The following CEP57L1 variants were observed in gnomAD, a reference collection of about 807,000 sequenced individuals.
CEP57L1 encodes centrosomal protein CEP57L1.
CEP57L1 carries 37 observed loss-of-function variants against 61.0 expected under a neutral mutation model. That is an observed-to-expected ratio of 0.61 (90% confidence interval 0.47 to 0.80). The LOEUF is 0.80. Among genes scored for constraint, CEP57L1 ranks in the 30% least tolerant of loss-of-function variants. The pLI is 0.00. For synonymous variants in CEP57L1, 137 were observed against 162.3 expected (o/e 0.84, Z 1.19); for missense variants, 422 against 524.7 (o/e 0.80, Z 1.91).
chr6:109,112,089 G>C (rs1771706609), intron 1 of CEP57L1, among the ~76,000 whole-genome samples: 1 of 152,200 alleles, frequency 6.6e-6, no homozygotes, highest in South Asian at 2.1e-4. Context: ...AATAATTTCA[G>C]AAGGAATGGT....
chr6:109,155,317 G>A lies in CEP57L1; in HGVS notation c.657+10G>A, dbSNP rs772136260. 3.5e-6 allele frequency: 5 copies of A among 1,445,162 alleles called. No homozygotes were observed. Among genetic ancestry groups the A allele is most frequent in the Non-Finnish European group, 4.8e-6 (5 of 1,050,698 alleles). 89.5% of individuals were successfully genotyped at this position (1,445,162 alleles called of 1,614,324 possible). A position where few individuals can be genotyped will look rare whatever the true frequency, so the allele number is the denominator to read the frequency against. On this transcript the variant is annotated intron_variant, in intron 6 of 10. Coordinates refer to ENST00000517392, the MANE Select transcript of CEP57L1 (RefSeq NM_001271852.3). ...AGACAAAGCTTCTGAGGTAAATATA[G>A]CACTATATAATCTATCACAGTAAAC...
intron 1 of CEP57L1, among the ~76,000 whole-genome samples, chr6:109,138,101 AGGG>A (rs1770940213): frequency 6.6e-6 from 1 of 152,218 alleles, no homozygotes; most frequent in Non-Finnish European, 1.5e-5. Context: ...ACTGAACAAA[AGGG>A]AGACTGAAGG....
At chr6:109,107,920 G>A (rs555798713) in intron 1 of CEP57L1, among the ~76,000 whole-genome samples, 26 of 151,948 alleles carry the variant, frequency 1.7e-4, no homozygotes, top group African/African-American at 9.7e-5. Context: ...CAGCTTGGGC[G>A]ACACAGAGAG....
In CEP57L1 at chr6:109,155,290, C is replaced by G; in HGVS notation, c.640C>G (p.Gln214Glu). The stretch of plus-strand genomic sequence containing the variant: ...AGAAGAACATCAGCGTAAGCTATTT[C>G]AAGACAAAGCTTCTGAGGTAAATAT... ...KEEEHQRKLF[Q>E]DKASELQTGL... The change falls in exon 6 of 11, where the codon CAA (glutamine) becomes GAA (glutamate). Residue 214 changes from glutamine (Q) to glutamate (E), a missense_variant. Transcript: ENST00000517392. 6.3e-7 allele frequency: 1 copy of G among 1,580,894 alleles called. No homozygotes were observed. The highest frequency in any genetic ancestry group is 8.6e-7 in the Non-Finnish European group (1 of 1,159,566).
At chr6:109,125,116 G>T (rs1431015012) in intron 1 of CEP57L1, 1 of 152,068 alleles carries the variant, frequency 6.6e-6, no homozygotes, top group Non-Finnish European at 1.5e-5. Flanking sequence ...TCCAGTGAAG[G>T]GGTAAACAAT....
intron 1 of CEP57L1, among the ~76,000 whole-genome samples, chr6:109,103,239 T>C (rs938509218): frequency 6.6e-6 from 1 of 152,192 alleles, no homozygotes; most frequent in Non-Finnish European, 1.5e-5. Flanking sequence ...ATTTACTGTA[T>C]AGTAGCATAA....
chr6:109,153,667 T>A (rs1772903532), intron 4 of CEP57L1, among the ~76,000 whole-genome samples, 166 bp from the exon 5 acceptor site: 1 of 152,202 alleles, frequency 6.6e-6, no homozygotes, highest in African/African-American at 2.4e-5. Flanking sequence ...AGTATTTGAT[T>A]TTCTTGTTTT....
chr6:109,118,225 C>T (rs1225385728), intron 1 of CEP57L1, among the ~76,000 whole-genome samples: 6 of 152,166 alleles, frequency 3.9e-5, no homozygotes, highest in African/African-American at 4.8e-5. Flanking sequence ...TTAGTAGAGA[C>T]AGGGTTTCAC....
chr6:109,152,879 C>T (rs1227863079), intron 4 of CEP57L1, among the ~76,000 whole-genome samples: 1 of 151,704 alleles, frequency 6.6e-6, no homozygotes, highest in Admixed American at 6.6e-5. Context: ...GAGGCCAAGG[C>T]GGGCAGATGA....
chr6:109,143,367 A>G (rs972387239), intron 1 of CEP57L1, among the ~76,000 whole-genome samples: 9 of 152,104 alleles, frequency 5.9e-5, no homozygotes, highest in African/African-American at 2.2e-4. Flanking sequence ...GCTTTATATA[A>G]ATAAGCTTCC....
Position 109,166,935 on chromosome 6 carries a change from G to A in CEP57L1, c.*3965G>A, listed in dbSNP as rs1028819964. Among the ~76,000 whole-genome samples the A allele has an allele frequency of 2.6e-5, 4 of 152,124 alleles. No individual in the cohort carries two copies. Among genetic ancestry groups the A allele is most frequent in the African/African-American group, 9.7e-5 (4 of 41,410 alleles). ...CTGAGAACATTTAATTGTAGGTGAC[G>A]TGTAGATAAGTATAAGCTGACACTC... On this transcript the variant is annotated 3_prime_UTR_variant, in exon 11 of 11. Coordinates refer to ENST00000517392, the MANE Select transcript of CEP57L1 (RefSeq NM_001271852.3).
intron 7 of CEP57L1, chr6:109,156,405 G>A (rs1238347523): frequency 6.6e-6 from 1 of 152,046 alleles, no homozygotes; most frequent in Non-Finnish European, 1.5e-5. Flanking sequence ...ATTGTTATAT[G>A]TAATTTCTAT....
intron 1 of CEP57L1, among the ~76,000 whole-genome samples, chr6:109,135,593 C>A (rs187045470): frequency 0.017 from 2,613 of 152,030 alleles, 88 homozygotes; most frequent in African/African-American, 0.06. Flanking sequence ...GAGCTTCTGC[C>A]CAGCAAAAGA....
At chr6:109,105,153 T>A (rs1433798735) in intron 1 of CEP57L1, among the ~76,000 whole-genome samples, 1 of 152,138 alleles carries the variant, frequency 6.6e-6, no homozygotes, top group African/African-American at 2.4e-5. Flanking sequence ...TTTAAAGATA[T>A]CATCAATGAT....
intron 1 of CEP57L1, among the ~76,000 whole-genome samples, chr6:109,100,465 A>ACTCC (rs1782242865): frequency 6.6e-6 from 1 of 152,072 alleles, no homozygotes; most frequent in Non-Finnish European, 1.5e-5. Context: ...ACTTGAGGTC[A>ACTCC]GGAGTTTGAG....
At chr6:109,112,238 T>C (rs564101195) in intron 1 of CEP57L1, among the ~76,000 whole-genome samples, 1 of 152,318 alleles carries the variant, frequency 6.6e-6, no homozygotes, top group Non-Finnish European at 1.5e-5. Context: ...GACTTCTTCC[T>C]GGTTTAGTCT....
At chr6:109,136,577 A>AG (rs397886462) in intron 1 of CEP57L1, among the ~76,000 whole-genome samples, 2 of 150,474 alleles carry the variant, frequency 1.3e-5, no homozygotes, top group Non-Finnish European at 3.0e-5. Context: ...AAAAAAAAAA[A>AG]GATACCATTT....
At chr6:109,098,523 C>T (rs1224876516) in intron 1 of CEP57L1, among the ~76,000 whole-genome samples, 1 of 152,166 alleles carries the variant, frequency 6.6e-6, no homozygotes, top group Non-Finnish European at 1.5e-5. Flanking sequence ...CATCCTTGAA[C>T]TCCTGGGCTC....
At chr6:109,115,731 A>T (rs78703420) in intron 1 of CEP57L1, among the ~76,000 whole-genome samples, 1 of 152,100 alleles carries the variant, frequency 6.6e-6, no homozygotes, top group African/African-American at 2.4e-5. Context: ...TGGCTTTGCT[A>T]TTCATTTTTT....
Sources: gnomAD v4.1 joint callset for allele counts (sites outside exome capture counted in the v4.1 genomes callset) on GRCh38, gnomAD v4.1.1 for gene constraint, MANE v1.5 for transcripts, NCBI Gene and HGNC (gene_info 2026-07-23, HGNC 2026-07-21) for gene names.